MAP3K4: variants seen among roughly 807,000 people sequenced by gnomAD.
The protein encoded by MAP3K4 is MAP three kinase 1.
MAP3K4 carries 67 observed loss-of-function variants against 185.6 expected under a neutral mutation model. The observed-to-expected ratio is 0.36, with a 90% CI of 0.30 to 0.44. The LOEUF is 0.44. MAP3K4 is among the 20% of genes least tolerant of loss of function. The pLI is 1.00. For missense variants in MAP3K4, 1,551 were observed against 1,995.1 expected (o/e 0.78, Z 4.24); for synonymous variants, 702 against 710.4 (o/e 0.99, Z 0.19).
Position 161,077,027 on chromosome 6 carries a change from G to T in MAP3K4, c.2097+3415G>T, listed in dbSNP as rs73784743. Among the ~76,000 whole-genome samples the T allele has an allele frequency of 7.4e-3, 1,132 of 152,262 alleles. 13 individuals carry two copies. Among genetic ancestry groups the T allele is most frequent in the Middle Eastern group, 0.065 (19 of 294 alleles). On this transcript the variant is annotated intron_variant, in intron 5 of 26. Transcript: ENST00000392142. This position sits in a 1 kb window ranked among gnomAD's most constrained non-coding sequence, Gnocchi z 4.3. The stretch of plus-strand genomic sequence containing the variant: ...TGGAGGTCAGGCTTCTCTGAGGGGG[G>T]AGCATTGCAACTTATCGGAAATTTA...
At position 161,060,618 on chromosome 6, in the gene MAP3K4, CTTT is replaced by C. The variant is rs35196179; in HGVS notation, c.1708-9973_1708-9971del. Among the ~76,000 whole-genome samples the C allele has an allele frequency of 4.8e-4, 61 of 126,380 alleles. 1 individual carries two copies. The highest frequency in any genetic ancestry group is 1.5e-3 in the African/African-American group (49 of 32,920). 82.9% of individuals were successfully genotyped at this position (126,380 alleles called of 152,430 possible). ...GTCAGATATGTTTTGTTTTCTTTTT[CTTT>C]TTTTTTTTTTTTTTTTGAGAAGGAG... On this transcript the variant is annotated intron_variant, in intron 3 of 26. Transcript: ENST00000392142.
intron 2 of MAP3K4, among the ~76,000 whole-genome samples, chr6:161,044,219 C>T (rs2062306207): frequency 6.6e-6 from 1 of 152,184 alleles, no homozygotes; most frequent in Non-Finnish European, 1.5e-5. Flanking sequence ...TCAGGTGTCC[C>T]ATTCATCAAG....
At chr6:160,999,427 A>G (rs903946205) in intron 1 of MAP3K4, among the ~76,000 whole-genome samples, 2 of 152,216 alleles carry the variant, frequency 1.3e-5, no homozygotes, top group Admixed American at 1.3e-4. Context: ...AGTTAGTTGT[A>G]TCTGTTAAGT....
chr6:161,108,685 G>A lies in MAP3K4; in HGVS notation c.4120-58G>A, dbSNP rs1778216297. 1.1e-6 allele frequency: 1 copy of A among 935,750 alleles called. No homozygotes were observed. Among genetic ancestry groups the A allele is most frequent in the East Asian group, 2.4e-5 (1 of 41,860 alleles). The allele number at this position is 935,750 out of a possible 1,614,324, so 58.0% of individuals were successfully genotyped here. A position where few individuals can be genotyped will look rare whatever the true frequency, so the allele number is the denominator to read the frequency against. On this transcript the variant is annotated intron_variant, in intron 21 of 26. Transcript: ENST00000392142. This position sits in a 1 kb window ranked among gnomAD's most constrained non-coding sequence, Gnocchi z 5.7. ...TGCAAAATGATGTTTCAGTGTATGTGTATAATGTAGAGTGATTAAATCAAG... is the reference window on the plus strand; with the variant it reads ...TGCAAAATGATGTTTCAGTGTATGTATATAATGTAGAGTGATTAAATCAAG...
At chr6:161,069,484 G>T (rs937305992) in intron 3 of MAP3K4, among the ~76,000 whole-genome samples, 6 of 152,140 alleles carry the variant, frequency 3.9e-5, no homozygotes, top group African/African-American at 1.4e-4. Context: ...TCACGTGGAG[G>T]CAGGAGAGAA....
At chr6:161,027,731 G>T (rs1229237026) in intron 1 of MAP3K4, among the ~76,000 whole-genome samples, 1 of 152,222 alleles carries the variant, frequency 6.6e-6, no homozygotes, top group Non-Finnish European at 1.5e-5. Context: ...AGGTTTGTAT[G>T]TGTGGCAGTT....
Position 161,070,818 on chromosome 6 carries a change from G to A in MAP3K4, c.1918G>A (p.Ala640Thr). ...GAAGTTAAGATTGGAGCAGAGACCT[G>A]CTGGAGAACCATCTCTCTTGAGTAT... ...CLKLRLEQRPAGEPSLLSIKQ... is the reference protein window; with the variant it reads ...CLKLRLEQRPTGEPSLLSIKQ... The change falls in exon 4 of 27, where the codon GCT (alanine) becomes ACT (threonine). Residue 640 changes from alanine to threonine, a missense_variant. This residue lies in a region of MAP3K4 where 27 missense variants were observed against 64.4 expected (regional missense o/e 0.42). Coordinates refer to ENST00000392142, the MANE Select transcript of MAP3K4 (RefSeq NM_005922.4). The surrounding 1 kb of genome is among the most constrained non-coding windows in gnomAD (Gnocchi z 4.5). 1 of 1,613,626 alleles carries A rather than the reference G, an allele frequency of 6.2e-7. No homozygotes were observed. Among genetic ancestry groups the A allele is most frequent in the Non-Finnish European group, 8.5e-7 (1 of 1,179,788 alleles).
chr6:161,063,819 T>C lies in MAP3K4; in HGVS notation c.1708-6789T>C, dbSNP rs944710301. Among the ~76,000 whole-genome samples, 1 of 152,228 alleles carries C rather than the reference T, an allele frequency of 6.6e-6. No homozygotes were observed. Among genetic ancestry groups the C allele is most frequent in the Non-Finnish European group, 1.5e-5 (1 of 68,046 alleles). On this transcript the variant is annotated intron_variant, in intron 3 of 26. Transcript: ENST00000392142. The surrounding 1 kb of genome is among the most constrained non-coding windows in gnomAD (Gnocchi z 5.4). The stretch of plus-strand genomic sequence containing the variant: ...CTCTGTAGACTCTGTGAGCTTTTCA[T>C]AGAGCACTCATCATGACTTGGGAAT...
At chr6:161,016,944 T>A (rs910745199) in intron 1 of MAP3K4, among the ~76,000 whole-genome samples, 1 of 152,208 alleles carries the variant, frequency 6.6e-6, no homozygotes, top group Non-Finnish European at 1.5e-5. Flanking sequence ...TGTCTTTAAA[T>A]AGAATTTCCT....
chr6:161,106,613 G>A lies in MAP3K4; in HGVS notation c.3956G>A (p.Gly1319Asp). 1 of 1,614,034 alleles carries A rather than the reference G, an allele frequency of 6.2e-7. No individual in the cohort carries two copies. Residue 1319 changes from glycine to aspartate, a missense_variant, in exon 20 of 27, where the codon GGT (glycine) becomes GAT (aspartate). Gly to Asp is a moderately conservative substitution (Grantham distance 94, BLOSUM62 -1). Coordinates refer to ENST00000392142, the MANE Select transcript of MAP3K4 (RefSeq NM_005922.4). This position sits in a 1 kb window ranked among gnomAD's most constrained non-coding sequence, Gnocchi z 4.9. ...YREMRRKNIIGQVCDTPKSYD... is the reference protein window; with the variant it reads ...YREMRRKNIIDQVCDTPKSYD... ...GAAATGAGGAGAAAGAATATCATTG[G>A]TCAAGTTTGTGATACGCCTAAGTCC...
intron 25 of MAP3K4, among the ~76,000 whole-genome samples, chr6:161,113,790 C>A (rs1482948648): frequency 1.4e-5 from 1 of 71,076 alleles, no homozygotes; most frequent in Non-Finnish European, 2.4e-5. Flanking sequence ...ATATGAGTGA[C>A]TTTTTTTTTT....
In MAP3K4 at chr6:161,115,249, G is replaced by A. The variant is rs1420360832; in HGVS notation, c.4753G>A (p.Asp1585Asn). 6.2e-7 allele frequency: 1 copy of A among 1,614,116 alleles called. No individual in the cohort carries two copies. Among genetic ancestry groups the A allele is most frequent in the South Asian group, 1.1e-5 (1 of 91,074 alleles). ...KDFLSHCLES[D>N]PKMRWTASQL... ...CTTCCTTTCTCACTGCCTTGAGAGT[G>A]ACCCAAAGATGAGATGGACCGCCAG... is the stretch of plus-strand genomic sequence containing the variant. The change falls in exon 26 of 27, where the codon GAC (aspartate) becomes AAC (asparagine). Residue 1585 changes from aspartate (D) to asparagine (N), a missense_variant. Asp to Asn is a conservative substitution (Grantham distance 23). Coordinates refer to ENST00000392142, the MANE Select transcript of MAP3K4 (RefSeq NM_005922.4). The surrounding 1 kb of genome is among the most constrained non-coding windows in gnomAD (Gnocchi z 6.0).
chr6:161,107,915 G>A lies in MAP3K4; in HGVS notation c.4065G>A (p.Gly1355=). Residue 1355 remains glycine, a synonymous_variant, in exon 21 of 27, where the codon GGG becomes GGA. Coordinates refer to ENST00000392142, the MANE Select transcript of MAP3K4 (RefSeq NM_005922.4). The surrounding 1 kb of genome is among the most constrained non-coding windows in gnomAD (Gnocchi z 6.2). The part of the protein sequence containing the change: ...RGNKIGEGQY[G]KVYTCISVDT... ...TGTTCACAGGAGAAGGCCAGTATGG[G>A]AAGGTGTACACCTGCATCAGCGTCG... 1 of 1,614,114 alleles carries A rather than the reference G, an allele frequency of 6.2e-7. No homozygotes were observed. Among genetic ancestry groups the A allele is most frequent in the Admixed American group, 1.7e-5 (1 of 60,028 alleles).
At position 161,115,356 on chromosome 6, in the gene MAP3K4, T is replaced by G. The variant is rs1306911755; in HGVS notation, c.4806+54T>G. 1 of 1,513,868 alleles carries G rather than the reference T, an allele frequency of 6.6e-7. No homozygotes were observed. The highest frequency in any genetic ancestry group is 2.0e-5 in the Admixed American group (1 of 50,072). 93.8% of individuals were successfully genotyped at this position (1,513,868 alleles called of 1,614,324 possible). On this transcript the variant is annotated intron_variant, in intron 26 of 26. Coordinates refer to ENST00000392142, the MANE Select transcript of MAP3K4 (RefSeq NM_005922.4). This position sits in a 1 kb window ranked among gnomAD's most constrained non-coding sequence, Gnocchi z 6.0. The stretch of plus-strand genomic sequence containing the variant: ...CATGTTTAAGTGTTTAAGTTCTGTT[T>G]TGCATCAAGACGTTAATGAAATTTT...
intron 1 of MAP3K4, 169 bp downstream of exon 1, chr6:160,992,252 C>T: frequency 4.3e-6 from 4 of 920,080 alleles, no homozygotes; most frequent in Non-Finnish European, 4.6e-6. Context: ...CAGGGGACCG[C>T]GTCTGAGTCT....
At position 161,076,890 on chromosome 6, in the gene MAP3K4, A is replaced by AG. The variant is rs1198228763; in HGVS notation, c.2097+3284dup. ...AAACTCCCTCTTAGAGTTTAAGAAT[A>AG]GGGGGGTCCATGGTGATTGTAGAAC... On this transcript the variant is annotated intron_variant, in intron 5 of 26. Transcript: ENST00000392142. This position sits in a 1 kb window ranked among gnomAD's most constrained non-coding sequence, Gnocchi z 4.2. Among the ~76,000 whole-genome samples the AG allele has an allele frequency of 6.6e-6, 1 of 152,166 alleles. No individual in the cohort carries two copies. The highest frequency in any genetic ancestry group is 2.4e-5 in the African/African-American group (1 of 41,438).
In MAP3K4 at chr6:161,116,736, G is replaced by T; in HGVS notation, c.4807-114G>T. On this transcript the variant is annotated intron_variant, in intron 26 of 26. Transcript: ENST00000392142. The surrounding 1 kb of genome is among the most constrained non-coding windows in gnomAD (Gnocchi z 6.2). ...CCTTGCCCTCTGTGCCCAGTACAGTGCTGGGAGCATCAGGATGAGTGGATG... is the reference window on the plus strand; with the variant it reads ...CCTTGCCCTCTGTGCCCAGTACAGTTCTGGGAGCATCAGGATGAGTGGATG... 2 of 868,222 alleles carry T rather than the reference G, an allele frequency of 2.3e-6. No homozygotes were observed. The allele number at this position is 868,222 out of a possible 1,614,324, so 53.8% of individuals were successfully genotyped here. A position where few individuals can be genotyped will look rare whatever the true frequency, so the allele number is the denominator to read the frequency against.
Position 161,086,559 on chromosome 6 carries a change from A to G in MAP3K4, c.2473-25A>G, listed in dbSNP as rs1785722412. On this transcript the variant is annotated intron_variant, in intron 8 of 26. Coordinates refer to ENST00000392142, the MANE Select transcript of MAP3K4 (RefSeq NM_005922.4). This position sits in a 1 kb window ranked among gnomAD's most constrained non-coding sequence, Gnocchi z 4.8. ...ATTTTTTTAATGCTAACCGTAAAGA[A>G]GTTTCTTTGTAACTGTGATCCTAGG... 1 of 1,608,970 alleles carries G rather than the reference A, an allele frequency of 6.2e-7. No homozygotes were observed. Among genetic ancestry groups the G allele is most frequent in the East Asian group, 2.2e-5 (1 of 44,838 alleles).
intron 19 of MAP3K4, 50 bp downstream of exon 19, chr6:161,102,829 A>C: frequency 8.3e-7 from 1 of 1,209,672 alleles, no homozygotes. Flanking sequence ...AAAAAACACG[A>C]TTACACATAA....
Sources: gnomAD v4.1 joint callset for allele counts (sites outside exome capture counted in the v4.1 genomes callset) on GRCh38, gnomAD v4.1.1 for gene constraint, gnomAD v4.1.1 regional missense constraint, Gnocchi (gnomAD v3.1) non-coding constraint, MANE v1.5 for transcripts, NCBI Gene and HGNC (gene_info 2026-07-23, HGNC 2026-07-21) for gene names.